Variants in PDE6D observed in about 807,000 individuals in gnomAD.
PDE6D encodes retinal rod rhodopsin-sensitive cGMP 3',5'-cyclic phosphodiesterase subunit delta.
PDE6D carries 10 observed loss-of-function variants against 21.9 expected under a neutral mutation model. That is an observed-to-expected ratio of 0.46 (90% CI 0.28 to 0.78). The LOEUF (loss-of-function observed/expected upper bound fraction) is 0.78. PDE6D is among the 30% of genes least tolerant of loss of function. The pLI is 0.12. For missense variants in PDE6D, 139 were observed against 184.8 expected (o/e 0.75, Z 1.44); for synonymous variants, 59 against 63.5 (o/e 0.93, Z 0.34).
chr2:231,771,857 C>T (rs1209842562), intron 1 of PDE6D, among the ~76,000 whole-genome samples: 1 of 152,164 alleles, frequency 6.6e-6, no homozygotes, highest in Non-Finnish European at 1.5e-5. Context: ...GTCACCAAAT[C>T]AAAGAATTGT....
chr2:231,744,732 C>T (rs976674883), intron 1 of PDE6D, among the ~76,000 whole-genome samples: 1 of 152,090 alleles, frequency 6.6e-6, no homozygotes. Context: ...CCGTGCCCGG[C>T]CCTAATTGCT....
At chr2:231,757,027 C>G (rs2048888178) in intron 1 of PDE6D, among the ~76,000 whole-genome samples, 1 of 151,750 alleles carries the variant, frequency 6.6e-6, no homozygotes, top group Admixed American at 6.6e-5. Flanking sequence ...GGTACGATCA[C>G]AGCTCACTGC....
At chr2:231,751,911 T>C (rs953435658) in intron 1 of PDE6D, among the ~76,000 whole-genome samples, 2 of 152,178 alleles carry the variant, frequency 1.3e-5, no homozygotes, top group Non-Finnish European at 2.9e-5. Context: ...AGTTACTAAA[T>C]CTGGCACAAC....
intron 1 of PDE6D, among the ~76,000 whole-genome samples, chr2:231,766,843 T>G (rs1409563854): frequency 6.6e-6 from 1 of 151,256 alleles, no homozygotes; most frequent in East Asian, 1.9e-4. Context: ...AATACAAAAA[T>G]CAGTTGGGCA....
At chr2:231,780,940 C>T in intron 1 of PDE6D, 125 bp downstream of exon 1, 1 of 861,490 alleles carries the variant, frequency 1.2e-6, no homozygotes, top group Non-Finnish European at 1.9e-6. Flanking sequence ...TGTTCCTTTC[C>T]TCTCCCCTCC....
Position 231,766,993 on chromosome 2 carries a change from CAAAAAAAAAAAAAAA to C in PDE6D, c.50+14057_50+14071del, listed in dbSNP as rs3038045. The stretch of plus-strand genomic sequence containing the variant: ...TGGGTGACAGAGCGAGACTCCGTCT[CAAAAAAAAAAAAAAA>C]AAAAAAAAAAGCTAAGTCAAAGATG... On this transcript the variant is annotated intron_variant, in intron 1 of 4. Transcript: ENST00000287600. Among the ~76,000 whole-genome samples, 3 of 36,670 alleles carry C rather than the reference CAAAAAAAAAAAAAAA, an allele frequency of 8.2e-5. 1 individual carries two copies. Among genetic ancestry groups the C allele is most frequent in the Non-Finnish European group, 1.5e-4 (3 of 19,850 alleles). 24.1% of individuals were successfully genotyped at this position (36,670 alleles called of 152,430 possible).
rs779721794 is a variant in PDE6D at position 231,739,086 on chromosome 2, G to C, written c.139+14C>G. ...TTGGTCACAGCCCTGTGTAGATAAAGGGTTGGAAAGTACCTTCATGCTCCA... is the reference window on the plus strand; with the variant it reads ...TTGGTCACAGCCCTGTGTAGATAAACGGTTGGAAAGTACCTTCATGCTCCA... On this transcript the variant is annotated intron_variant, in intron 2 of 4. Coordinates refer to ENST00000287600, the MANE Select transcript of PDE6D (RefSeq NM_002601.4). The surrounding 1 kb of genome is among the most constrained non-coding windows in gnomAD (Gnocchi z 4.2). 3.8e-6 allele frequency: 6 copies of C among 1,567,038 alleles called. No individual in the cohort carries two copies. The East Asian group carries it at 1.1e-4, about 29-fold the overall frequency.
intron 1 of PDE6D, among the ~76,000 whole-genome samples, chr2:231,750,259 G>A (rs914975157): frequency 6.6e-5 from 10 of 151,962 alleles, no homozygotes; most frequent in Non-Finnish European, 5.9e-5. Context: ...TTTTTCCCCC[G>A]TTTCAGGTGT....
intron 1 of PDE6D, among the ~76,000 whole-genome samples, chr2:231,759,307 C>T (rs151125553): frequency 0.013 from 2,026 of 151,664 alleles, 31 homozygotes; most frequent in Non-Finnish European, 0.018. Context: ...CAAAGTGAGA[C>T]CCTGTCTCAA....
intron 1 of PDE6D, among the ~76,000 whole-genome samples, chr2:231,765,151 T>C (rs887442210): frequency 4.6e-5 from 7 of 151,044 alleles, no homozygotes; most frequent in Non-Finnish European, 7.4e-5. Flanking sequence ...TGCGTGCCTA[T>C]AGTCCCAGCT....
chr2:231,768,218 A>C (rs2048987954), intron 1 of PDE6D, among the ~76,000 whole-genome samples: 1 of 152,196 alleles, frequency 6.6e-6, no homozygotes, highest in Non-Finnish European at 1.5e-5. Flanking sequence ...CTTAAATATC[A>C]TTAATGAATA....
chr2:231,742,552 AT>A (rs2048759129), intron 1 of PDE6D, among the ~76,000 whole-genome samples: 1 of 152,228 alleles, frequency 6.6e-6, no homozygotes, highest in African/African-American at 2.4e-5. Context: ...GGAAAAGAAA[AT>A]TAACATTATG....
At chr2:231,734,981 G>A (rs963479596) in intron 4 of PDE6D, among the ~76,000 whole-genome samples, 3 of 151,338 alleles carry the variant, frequency 2.0e-5, no homozygotes, top group South Asian at 2.1e-4. Flanking sequence ...GGTGGCTCAC[G>A]TCTGTAATCC....
intron 1 of PDE6D, among the ~76,000 whole-genome samples, chr2:231,765,676 G>A (rs983773481): frequency 3.3e-5 from 5 of 152,140 alleles, no homozygotes; most frequent in African/African-American, 1.2e-4. Flanking sequence ...TCATTACTTT[G>A]GGGTGGAAGC....
chr2:231,770,324 A>G (rs919981348), intron 1 of PDE6D, among the ~76,000 whole-genome samples: 1 of 152,192 alleles, frequency 6.6e-6, no homozygotes, highest in African/African-American at 2.4e-5. Flanking sequence ...ACAAGAATAT[A>G]TCCACCTGCT....
In PDE6D at chr2:231,738,383, G is replaced by GTT. The variant is rs747626151; in HGVS notation, c.140-247_140-246dup. ...ATATTAGATCTTCAAGGAACACCAG[G>GTT]TTTTGTGCATCTAAGGGCCTCATCT... is the stretch of plus-strand genomic sequence containing the variant. On this transcript the variant is annotated intron_variant, in intron 2 of 4. Transcript: ENST00000287600. 3.7e-4 allele frequency among the ~76,000 whole-genome samples: 56 copies of GTT among 152,308 alleles called. 1 individual carries two copies. The East Asian group carries it at 6.8e-3, about 18-fold the overall frequency.
chr2:231,766,296 G>C (rs1245317109), intron 1 of PDE6D, among the ~76,000 whole-genome samples: 1 of 152,198 alleles, frequency 6.6e-6, no homozygotes, highest in African/African-American at 2.4e-5. Context: ...AAAAAGATCA[G>C]TATTTGAAAC....
intron 1 of PDE6D, among the ~76,000 whole-genome samples, chr2:231,758,928 G>C (rs1042800207): frequency 6.6e-6 from 1 of 151,934 alleles, no homozygotes; most frequent in Non-Finnish European, 1.5e-5. Context: ...AGAGTGAAAA[G>C]AAAAAAATTA....
intron 1 of PDE6D, among the ~76,000 whole-genome samples, chr2:231,750,009 A>G (rs1349517540): frequency 6.6e-6 from 1 of 152,072 alleles, no homozygotes; most frequent in Non-Finnish European, 1.5e-5. Context: ...CTTGAATTGT[A>G]TCTCCCAGAA....
Sources: allele counts gnomAD v4.1 joint callset (sites outside exome capture counted in the v4.1 genomes callset), GRCh38; gene constraint gnomAD v4.1.1; non-coding constraint Gnocchi (gnomAD v3.1); transcripts MANE v1.5; gene names NCBI Gene and HGNC (gene_info 2026-07-23, HGNC 2026-07-21).